The following XRCC4 variants were observed in gnomAD, a reference collection of about 807,000 sequenced individuals.
XRCC4 encodes DNA repair protein XRCC4.
A neutral mutation model predicts 39.1 loss-of-function variants in XRCC4; 28 were observed. That is an observed-to-expected ratio of 0.72 (90% confidence interval 0.53 to 0.98). XRCC4 has a LOEUF of 0.98. Among genes scored for constraint, XRCC4 ranks in the 50% least tolerant of loss-of-function variants. The probability of loss-of-function intolerance (pLI) is 0.00; values close to 1 mark genes in which losing one functional copy is unlikely to be tolerated. For synonymous variants in XRCC4, 123 were observed against 126.4 expected, an observed-to-expected ratio of 0.97 and a Z score of 0.18; for missense variants, 350 against 376.4, an observed-to-expected ratio of 0.93 and a Z score of 0.58.
At chr5:83,139,291 A>T (rs1748050491) in intron 3 of XRCC4, among the ~76,000 whole-genome samples, 1 of 152,152 alleles carries the variant, frequency 6.6e-6, no homozygotes, top group African/African-American at 2.4e-5. Flanking sequence ...GATTGAGTTT[A>T]TACATTTTTG....
chr5:83,276,084 A>G (rs1052381085), intron 7 of XRCC4, among the ~76,000 whole-genome samples: 1 of 152,186 alleles, frequency 6.6e-6, no homozygotes, highest in Non-Finnish European at 1.5e-5. Flanking sequence ...TACAAAAGCA[A>G]TATACATTCA....
At chr5:83,135,415 T>A (rs1747847305) in intron 3 of XRCC4, among the ~76,000 whole-genome samples, 1 of 152,096 alleles carries the variant, frequency 6.6e-6, no homozygotes, top group Non-Finnish European at 1.5e-5. Context: ...CTCAGCTGCT[T>A]TTAAGGTTTT....
At chr5:83,205,762 A>G (rs948374144) in intron 6 of XRCC4, among the ~76,000 whole-genome samples, 10 of 152,112 alleles carry the variant, frequency 6.6e-5, no homozygotes, top group Non-Finnish European at 1.3e-4. Flanking sequence ...TTAGGTTGAT[A>G]AGTGCTAAAG....
chr5:83,328,102 G>T (rs1306622066), intron 7 of XRCC4, among the ~76,000 whole-genome samples: 1 of 151,922 alleles, frequency 6.6e-6, no homozygotes, highest in Non-Finnish European at 1.5e-5. Context: ...GGAGGCAAAA[G>T]GCACTTCTTA....
At chr5:83,304,859 G>A (rs1755423445) in intron 7 of XRCC4, among the ~76,000 whole-genome samples, 1 of 152,064 alleles carries the variant, frequency 6.6e-6, no homozygotes, top group South Asian at 2.1e-4. Context: ...CTGCTAAATT[G>A]AATTACTAAA....
At position 83,102,491 on chromosome 5, in the gene XRCC4, A is replaced by C. The variant is rs941483223; in HGVS notation, c.-10-2419A>C. On this transcript the variant is annotated intron_variant, in intron 1 of 7. Transcript: ENST00000396027. ...CTTTGGGACAGGCATAGACTTTTCA[A>C]ATCCTCAGCAGACATATCCAGAAGT... is the stretch of plus-strand genomic sequence containing the variant. Among the ~76,000 whole-genome samples the C allele has an allele frequency of 1.1e-4, 16 of 152,274 alleles. No individual in the cohort carries two copies. In the South Asian group the frequency reaches 3.3e-3, roughly 32 times the overall value.
chr5:83,245,933 A>C (rs1045061011), intron 6 of XRCC4, among the ~76,000 whole-genome samples: 16 of 151,314 alleles, frequency 1.1e-4, no homozygotes, highest in Non-Finnish European at 1.6e-4. Flanking sequence ...TTGTCTATTG[A>C]GTACTCATTC....
At chr5:83,122,959 G>A (rs6897075) in intron 3 of XRCC4, among the ~76,000 whole-genome samples, 5 of 151,826 alleles carry the variant, frequency 3.3e-5, no homozygotes, top group East Asian at 1.9e-4. Context: ...GAATGTAACC[G>A]TTGTTCAATG....
intron 3 of XRCC4, among the ~76,000 whole-genome samples, chr5:83,154,254 A>G (rs1471203194): frequency 6.6e-6 from 1 of 152,234 alleles, no homozygotes; most frequent in Non-Finnish European, 1.5e-5. Context: ...TCAGGCATCC[A>G]AAGACTCATC....
At chr5:83,366,144 T>C in the XRCC4 span, among the ~76,000 whole-genome samples, 2 of 152,188 alleles carry the variant, frequency 1.3e-5, no homozygotes, top group Non-Finnish European at 2.9e-5. Context: ...GTATTATACA[T>C]CATTAATGAA....
At chr5:83,172,308 A>G (rs1749765356) in intron 3 of XRCC4, among the ~76,000 whole-genome samples, 1 of 152,160 alleles carries the variant, frequency 6.6e-6, no homozygotes, top group East Asian at 1.9e-4. Flanking sequence ...GTTAATATTT[A>G]TAACTTTTCC....
intron 3 of XRCC4, among the ~76,000 whole-genome samples, chr5:83,126,221 A>C (rs1057457831): frequency 2.0e-5 from 3 of 151,838 alleles, no homozygotes; most frequent in Non-Finnish European, 4.4e-5. Context: ...TACAGATCCT[A>C]TACATGTTTT....
chr5:83,282,727 A>G (rs893218588), intron 7 of XRCC4, among the ~76,000 whole-genome samples: 2 of 152,088 alleles, frequency 1.3e-5, no homozygotes, highest in African/African-American at 4.8e-5. Flanking sequence ...CTGTAGTCCC[A>G]ACTACTCGGG....
chr5:83,231,080 A>AT (rs1376753499), intron 6 of XRCC4, among the ~76,000 whole-genome samples: 1 of 152,064 alleles, frequency 6.6e-6, no homozygotes, highest in African/African-American at 2.4e-5. Flanking sequence ...GAGAGGCAGC[A>AT]TAGCCTATTT....
At chr5:83,327,816 G>A (rs1370367127) in intron 7 of XRCC4, among the ~76,000 whole-genome samples, 5 of 152,038 alleles carry the variant, frequency 3.3e-5, no homozygotes, top group Non-Finnish European at 5.9e-5. Context: ...ATCTTCTCAT[G>A]TATACAACAC....
chr5:83,204,685 T>C lies in XRCC4; in HGVS notation c.639-130T>C, dbSNP rs1751347590. 5.2e-6 allele frequency: 3 copies of C among 575,256 alleles called. No individual in the cohort carries two copies. The South Asian group carries it at 1.0e-4, about 19-fold the overall frequency. 35.6% of individuals were successfully genotyped at this position (575,256 alleles called of 1,614,324 possible). A position where few individuals can be genotyped will look rare whatever the true frequency, so the allele number is the denominator to read the frequency against. On this transcript the variant is annotated intron_variant, in intron 5 of 7. Transcript: ENST00000396027. ...TTAAGATGCTTTCATCTAAATCATA[T>C]ATATTTTCAATATGTTTGTCTAATT...
chr5:83,132,917 G>C (rs1747675121), intron 3 of XRCC4, among the ~76,000 whole-genome samples: 1 of 152,096 alleles, frequency 6.6e-6, no homozygotes, highest in South Asian at 2.1e-4. Flanking sequence ...GTCCAGCTTT[G>C]TTCCTTTGCT....
At chr5:83,265,142 T>A (rs1296224713) in intron 7 of XRCC4, among the ~76,000 whole-genome samples, 1 of 152,176 alleles carries the variant, frequency 6.6e-6, no homozygotes, top group Non-Finnish European at 1.5e-5. Context: ...AAAGTTTAAA[T>A]CTCAAAGTAT....
chr5:83,108,671 G>A (rs1367504412), intron 2 of XRCC4, among the ~76,000 whole-genome samples: 1 of 151,430 alleles, frequency 6.6e-6, no homozygotes, highest in Non-Finnish European at 1.5e-5. Context: ...GTTTTCTTTT[G>A]TGTTTTCTTC....
Sources: gnomAD v4.1 joint callset for allele counts (sites outside exome capture counted in the v4.1 genomes callset) on GRCh38, gnomAD v4.1.1 for gene constraint, MANE v1.5 for transcripts, NCBI Gene and HGNC (gene_info 2026-07-23, HGNC 2026-07-21) for gene names.